The following MLIP variants were observed in gnomAD, a reference collection of about 807,000 sequenced individuals.
The protein encoded by MLIP is muscular LMNA-interacting protein.
Under a neutral mutation model 84.8 loss-of-function variants are expected in MLIP, and 79 were observed. That is an observed-to-expected ratio of 0.93 (90% CI 0.78 to 1.12). MLIP has a LOEUF of 1.12. Among genes scored for constraint, MLIP ranks in the 50% most tolerant of loss-of-function variants. MLIP has a pLI of 0.00. For missense variants in MLIP, 1,257 were observed against 1,160.6 expected, an observed-to-expected ratio of 1.08 and a Z score of -1.21; for synonymous variants, 504 against 463.0, an observed-to-expected ratio of 1.09 and a Z score of -1.14.
intron 11 of MLIP, among the ~76,000 whole-genome samples, chr6:54,224,631 T>A (rs1780451830): frequency 6.6e-6 from 1 of 152,094 alleles, no homozygotes. Context: ...GGTATTTGGT[T>A]ACATGAGTAA....
intron 12 of MLIP, among the ~76,000 whole-genome samples, chr6:54,236,339 G>A (rs2792656): frequency 0.13 from 20,105 of 152,152 alleles, 1,523 homozygotes; most frequent in African/African-American, 0.2. Context: ...GGTGGCTCAC[G>A]CCTGTAATCC....
intron 9 of MLIP, among the ~76,000 whole-genome samples, chr6:54,177,588 T>C: frequency 6.6e-6 from 1 of 152,206 alleles, no homozygotes; most frequent in East Asian, 1.9e-4. Flanking sequence ...GCTTTTACAC[T>C]GTTGGTGGGA....
intron 11 of MLIP, among the ~76,000 whole-genome samples, chr6:54,212,857 C>A (rs1762439230): frequency 6.6e-6 from 1 of 152,120 alleles, no homozygotes; most frequent in South Asian, 2.1e-4. Flanking sequence ...TTTAAAGGGT[C>A]TTGGCATTTG....
intron 11 of MLIP, chr6:54,217,733 C>A: frequency 1.0e-6 from 1 of 985,196 alleles, no homozygotes; most frequent in Non-Finnish European, 1.2e-6. Flanking sequence ...CGGTTTAAAG[C>A]ATTTTATCAG....
chr6:54,047,079 A>C (rs1765104062), intron 1 of MLIP: 1 of 152,228 alleles, frequency 6.6e-6, no homozygotes, highest in Non-Finnish European at 1.5e-5. Context: ...TGATCCTCGA[A>C]TGATTTCTTT....
At chr6:54,245,549 C>T (rs1782022400) in intron 12 of MLIP, among the ~76,000 whole-genome samples, 1 of 152,092 alleles carries the variant, frequency 6.6e-6, no homozygotes, top group Admixed American at 6.6e-5. Flanking sequence ...CATTATTAAC[C>T]CTGAAATGTA....
chr6:54,056,516 G>A (rs994467813), intron 1 of MLIP, among the ~76,000 whole-genome samples: 1 of 152,172 alleles, frequency 6.6e-6, no homozygotes, highest in Non-Finnish European at 1.5e-5. Context: ...ACTTGCAGAA[G>A]TAAACAGTAG....
intron 12 of MLIP, among the ~76,000 whole-genome samples, chr6:54,237,406 G>A (rs1431099127): frequency 2.0e-5 from 3 of 151,964 alleles, no homozygotes; most frequent in Non-Finnish European, 4.4e-5. Context: ...TTCAGAGGAT[G>A]GTTGCTGCTT....
At chr6:54,159,339 A>T (rs1027372173) in intron 5 of MLIP, among the ~76,000 whole-genome samples, 1 of 152,088 alleles carries the variant, frequency 6.6e-6, no homozygotes, top group Non-Finnish European at 1.5e-5. Flanking sequence ...ATGTGCTGAA[A>T]ATCGAAATTT....
At chr6:54,140,270 G>T (rs927646631) in intron 4 of MLIP, among the ~76,000 whole-genome samples, 4 of 152,124 alleles carry the variant, frequency 2.6e-5, no homozygotes, top group Admixed American at 1.3e-4. Flanking sequence ...TCCTGTTTTG[G>T]ATATAGTCAG....
At chr6:54,160,482 T>C in intron 6 of MLIP, 34 bp from the exon 7 acceptor site, 1 of 1,611,638 alleles carries the variant, frequency 6.2e-7, no homozygotes, top group Non-Finnish European at 8.5e-7. Context: ...CCAAAACTTA[T>C]TGCTAACCCA....
intron 1 of MLIP, among the ~76,000 whole-genome samples, chr6:54,068,028 CTTCCTTTTTTCT>C (rs759863490): frequency 0.044 from 3,135 of 70,656 alleles, 1,088 homozygotes; most frequent in Non-Finnish European, 0.093. Flanking sequence ...TCCTTCCTTC[CTTCCTTTTTTCT>C]TTCCTTCCTT....
intron 1 of MLIP, among the ~76,000 whole-genome samples, chr6:54,117,946 A>AAAC (rs70980895): frequency 0.011 from 1,512 of 141,634 alleles, 34 homozygotes; most frequent in African/African-American, 0.038. Context: ...CTCTGTCTCA[A>AAAC]AACAACAACA....
At chr6:54,106,396 A>G (rs945600054) in intron 1 of MLIP, among the ~76,000 whole-genome samples, 2 of 152,154 alleles carry the variant, frequency 1.3e-5, no homozygotes, top group African/African-American at 2.4e-5. Flanking sequence ...CGGATGGTTC[A>G]TCAGACCATC....
chr6:54,075,247 CA>C (rs35589839), intron 1 of MLIP, among the ~76,000 whole-genome samples: 12,157 of 93,728 alleles, frequency 0.13, 677 homozygotes, highest in African/African-American at 0.29. Context: ...AACTCCGTCT[CA>C]AAAAAAAAAA....
At chr6:54,039,473 G>A (rs1334692533) in intron 1 of MLIP, among the ~76,000 whole-genome samples, 2 of 151,838 alleles carry the variant, frequency 1.3e-5, no homozygotes, top group Admixed American at 6.6e-5. Flanking sequence ...TGCATCTTTG[G>A]CATAGTGCAA....
intron 1 of MLIP, among the ~76,000 whole-genome samples, chr6:54,068,526 C>G (rs940743413): frequency 1.0e-5 from 1 of 99,838 alleles, no homozygotes; most frequent in African/African-American, 2.6e-5. Context: ...TAACACCCTG[C>G]CATCAAAGGA....
At chr6:54,084,733 G>A (rs1341314107) in intron 1 of MLIP, among the ~76,000 whole-genome samples, 4 of 152,100 alleles carry the variant, frequency 2.6e-5, no homozygotes, top group Non-Finnish European at 2.9e-5. Flanking sequence ...TTGCCCCAGG[G>A]TAGCACAGCT....
At chr6:54,156,452 G>C (rs142177080) in intron 5 of MLIP, among the ~76,000 whole-genome samples, 1 of 152,036 alleles carries the variant, frequency 6.6e-6, no homozygotes, top group Non-Finnish European at 1.5e-5. Context: ...AGTTATGTTT[G>C]CCAGAGTAAG....
Sources: gnomAD v4.1 joint callset for allele counts (sites outside exome capture counted in the v4.1 genomes callset) on GRCh38, gnomAD v4.1.1 for gene constraint, MANE v1.5 for transcripts, NCBI Gene and HGNC (gene_info 2026-07-23, HGNC 2026-07-21) for gene names.